Variants in CDH18 observed in about 807,000 individuals in gnomAD.
The protein encoded by CDH18 is cadherin 18, also known as cadherin-18.
Under a neutral mutation model 67.9 loss-of-function variants are expected in CDH18, and 31 were observed. That is an observed-to-expected ratio of 0.46 (90% CI 0.34 to 0.62). The LOEUF (loss-of-function observed/expected upper bound fraction) is 0.62. Ranked by LOEUF, CDH18 falls within the 20% of genes least tolerant of loss-of-function variation. The pLI is 0.01. For missense variants in CDH18, 890 were observed against 975.5 expected, an observed-to-expected ratio of 0.91 and a Z score of 1.17; for synonymous variants, 362 against 347.2, an observed-to-expected ratio of 1.04 and a Z score of -0.48.
At chr5:19,789,423 A>C (rs1776138769) in intron 3 of CDH18, among the ~76,000 whole-genome samples, 1 of 152,206 alleles carries the variant, frequency 6.6e-6, no homozygotes, top group African/African-American at 2.4e-5. Flanking sequence ...AATAATTTAT[A>C]ACTGAAGTAA....
intron 9 of CDH18, among the ~76,000 whole-genome samples, chr5:19,534,394 C>T (rs768088320): frequency 6.6e-6 from 1 of 151,978 alleles, no homozygotes; most frequent in Non-Finnish European, 1.5e-5. Flanking sequence ...CCAACTTTAG[C>T]GTCACTCATC....
At chr5:19,487,444 C>CTT (rs1740588690) in intron 11 of CDH18, among the ~76,000 whole-genome samples, 2 of 152,078 alleles carry the variant, frequency 1.3e-5, no homozygotes, top group African/African-American at 4.8e-5. Context: ...GTTTAGAAGA[C>CTT]TTTGAGACCT....
intron 2 of CDH18, among the ~76,000 whole-genome samples, chr5:19,978,055 T>C (rs13172172): frequency 0.43 from 64,836 of 151,926 alleles, 16,136 homozygotes; most frequent in Middle Eastern, 0.66. Flanking sequence ...AATATGTTTC[T>C]TTTGCAAATA....
At position 20,427,019 on chromosome 5, in the gene CDH18, G is replaced by A. The variant is rs551708980; in HGVS notation, c.-580+148443C>T. ...TTGTGATTGAAGTGCTTAGAATAGC[G>A]CTCAGACAATATAATTACTCATTAA... On this transcript the variant is annotated intron_variant, in intron 1 of 14. Coordinates refer to the CDH18 transcript ENST00000507958. 1.9e-4 allele frequency among the ~76,000 whole-genome samples: 28 copies of A among 151,096 alleles called. 2 individuals carry two copies. The highest frequency in any genetic ancestry group is 4.0e-4 in the African/African-American group (16 of 40,506).
At chr5:19,942,992 C>T (rs944708759) in intron 2 of CDH18, among the ~76,000 whole-genome samples, 1 of 152,116 alleles carries the variant, frequency 6.6e-6, no homozygotes, top group African/African-American at 2.4e-5. Context: ...AGGTGACCCT[C>T]GTGCCTCATG....
intron 3 of CDH18, among the ~76,000 whole-genome samples, chr5:19,807,751 C>T (rs1172714219): frequency 3.3e-5 from 5 of 152,140 alleles, no homozygotes; most frequent in African/African-American, 1.2e-4. Context: ...TAGATATCAG[C>T]CTGATTATTC....
intron 2 of CDH18, among the ~76,000 whole-genome samples, chr5:20,061,919 C>T (rs984448080): frequency 6.6e-6 from 1 of 151,994 alleles, no homozygotes; most frequent in African/African-American, 2.4e-5. Flanking sequence ...CAGGAATCAA[C>T]GACAATTATC....
At chr5:19,569,438 A>G (rs773735800) in intron 8 of CDH18, among the ~76,000 whole-genome samples, 2 of 152,160 alleles carry the variant, frequency 1.3e-5, no homozygotes, top group African/African-American at 2.4e-5. Flanking sequence ...TTAATTGTAC[A>G]TGTCAACTTG....
chr5:19,637,686 T>C (rs1753361691), intron 5 of CDH18, among the ~76,000 whole-genome samples: 1 of 152,166 alleles, frequency 6.6e-6, no homozygotes, highest in South Asian at 2.1e-4. Flanking sequence ...AGTCAATGTC[T>C]GCTTATCCCG....
intron 2 of CDH18, among the ~76,000 whole-genome samples, chr5:20,123,308 G>A (rs1254020782): frequency 6.6e-6 from 1 of 152,124 alleles, no homozygotes; most frequent in Non-Finnish European, 1.5e-5. Context: ...CGCAGCTACT[G>A]TGCTCTGAAA....
chr5:20,002,321 T>C (rs1481137658), intron 2 of CDH18, among the ~76,000 whole-genome samples: 1 of 152,206 alleles, frequency 6.6e-6, no homozygotes, highest in Non-Finnish European at 1.5e-5. Context: ...TTTAATGGAA[T>C]TTGGAAACAA....
At chr5:19,841,377 T>C (rs950838825) in intron 2 of CDH18, among the ~76,000 whole-genome samples, 1 of 152,156 alleles carries the variant, frequency 6.6e-6, no homozygotes, top group African/African-American at 2.4e-5. Context: ...TTTTATTTTT[T>C]GATAGTTTAC....
chr5:20,198,620 A>G (rs537014083), intron 2 of CDH18, among the ~76,000 whole-genome samples: 30 of 152,318 alleles, frequency 2.0e-4, no homozygotes, highest in African/African-American at 2.9e-4. Flanking sequence ...AGAAAATGCA[A>G]GCCTGCTGCA....
At chr5:20,027,145 A>T (rs946487619) in intron 2 of CDH18, among the ~76,000 whole-genome samples, 2 of 152,116 alleles carry the variant, frequency 1.3e-5, no homozygotes, top group Admixed American at 6.6e-5. Flanking sequence ...CGACTGTTTA[A>T]AAAATCAATA....
chr5:19,618,735 G>A (rs1040020430), intron 5 of CDH18, among the ~76,000 whole-genome samples: 1 of 152,050 alleles, frequency 6.6e-6, no homozygotes, highest in Non-Finnish European at 1.5e-5. Context: ...GTGACAAGTT[G>A]CCCCAGAGAT....
chr5:19,696,737 A>G (rs892811616), intron 5 of CDH18, among the ~76,000 whole-genome samples: 1 of 152,132 alleles, frequency 6.6e-6, no homozygotes, highest in African/African-American at 2.4e-5. Flanking sequence ...ATGATTTATC[A>G]TCTATGATGA....
intron 2 of CDH18, among the ~76,000 whole-genome samples, chr5:19,903,706 G>A (rs563164501): frequency 7.1e-6 from 1 of 139,878 alleles, no homozygotes; most frequent in African/African-American, 2.7e-5. Context: ...ACTCAATCGA[G>A]CACCTGAAGG....
At chr5:19,619,001 A>G (rs1350645640) in intron 5 of CDH18, among the ~76,000 whole-genome samples, 1 of 152,132 alleles carries the variant, frequency 6.6e-6, no homozygotes, top group Non-Finnish European at 1.5e-5. Flanking sequence ...TATCTACACA[A>G]TTTATATTTA....
At chr5:20,489,844 T>A (rs922696812) in intron 1 of CDH18, among the ~76,000 whole-genome samples, 1 of 151,870 alleles carries the variant, frequency 6.6e-6, no homozygotes, top group African/African-American at 2.4e-5. Context: ...ATGTTTACTT[T>A]TATTCAAGCT....
Sources: allele counts gnomAD v4.1 joint callset (sites outside exome capture counted in the v4.1 genomes callset), GRCh38; gene constraint gnomAD v4.1.1; transcripts MANE v1.5; gene names NCBI Gene and HGNC (gene_info 2026-07-23, HGNC 2026-07-21).